STARD13: variants seen among roughly 807,000 people sequenced by gnomAD.
The protein encoded by STARD13 is stAR-related lipid transfer protein 13.
A neutral mutation model predicts 106.4 loss-of-function variants in STARD13; 62 were observed. That is an observed-to-expected ratio of 0.58 (90% CI 0.48 to 0.72). The LOEUF is 0.72. STARD13 is among the 30% of genes least tolerant of loss of function. STARD13 has a pLI of 0.00. For synonymous variants in STARD13, 565 were observed against 553.0 expected, an observed-to-expected ratio of 1.02 and a Z score of -0.31; for missense variants, 1,387 against 1,424.0, an observed-to-expected ratio of 0.97 and a Z score of 0.42.
chr13:33,466,014 A>C, the STARD13 span, among the ~76,000 whole-genome samples: 1 of 152,136 alleles, frequency 6.6e-6, no homozygotes, highest in Non-Finnish European at 1.5e-5. Flanking sequence ...AGGAACTCTT[A>C]TCTCTCCGAG....
chr13:33,486,622 T>G, the STARD13 span, among the ~76,000 whole-genome samples: 1 of 152,188 alleles, frequency 6.6e-6, no homozygotes, highest in African/African-American at 2.4e-5. Flanking sequence ...TCTTTCCTTA[T>G]TGATGCTTTT....
intron 1 of STARD13, among the ~76,000 whole-genome samples, chr13:33,335,825 A>C (rs1247784181): frequency 6.6e-6 from 1 of 152,258 alleles, no homozygotes; most frequent in Non-Finnish European, 1.5e-5. Context: ...AATCACAGCA[A>C]GGTGCTGTTT....
the STARD13 span, among the ~76,000 whole-genome samples, chr13:33,366,919 T>C: frequency 2.0e-5 from 3 of 152,358 alleles, no homozygotes; most frequent in African/African-American, 2.4e-5. This position sits in a 1 kb window ranked among gnomAD's most constrained non-coding sequence, Gnocchi z 4.2. Flanking sequence ...TGAACTCTTA[T>C]GAAAGCTAAC....
At chr13:33,234,241 G>A (rs1441503880) in intron 1 of STARD13, among the ~76,000 whole-genome samples, 2 of 152,158 alleles carry the variant, frequency 1.3e-5, no homozygotes, top group East Asian at 1.9e-4. Flanking sequence ...ACTGGTACCC[G>A]CTTTTCTGGT....
the STARD13 span, among the ~76,000 whole-genome samples, chr13:33,495,842 T>C: frequency 6.9e-5 from 10 of 145,724 alleles, no homozygotes; most frequent in East Asian, 1.8e-3. Context: ...ACAATTAGAA[T>C]GTACTATAAT....
the STARD13 span, among the ~76,000 whole-genome samples, chr13:33,465,156 A>G: frequency 1.4e-5 from 2 of 145,812 alleles, no homozygotes; most frequent in Admixed American, 6.8e-5. Flanking sequence ...ACCATTTACC[A>G]TGATCTGTTG....
chr13:33,168,940 C>A (rs1336496427), intron 1 of STARD13, among the ~76,000 whole-genome samples: 1 of 152,234 alleles, frequency 6.6e-6, no homozygotes, highest in Non-Finnish European at 1.5e-5. Context: ...GTCATTAAAT[C>A]CAAGGAAACA....
the STARD13 span, among the ~76,000 whole-genome samples, chr13:33,418,748 G>C: frequency 6.6e-6 from 1 of 152,178 alleles, no homozygotes; most frequent in Non-Finnish European, 1.5e-5. Flanking sequence ...CCAGAGGAAG[G>C]ATAAGCCTGC....
the STARD13 span, among the ~76,000 whole-genome samples, chr13:33,496,909 G>A: frequency 1.3e-5 from 2 of 152,022 alleles, no homozygotes; most frequent in African/African-American, 4.8e-5. Flanking sequence ...GTGATAAGCT[G>A]CTCTCTGTTT....
At chr13:33,339,802 A>G (rs1267024139) in intron 1 of STARD13, among the ~76,000 whole-genome samples, 1 of 152,192 alleles carries the variant, frequency 6.6e-6, no homozygotes, top group Non-Finnish European at 1.5e-5. Flanking sequence ...AGAAAGACAC[A>G]ATGGCTGGGC....
chr13:33,295,451 T>A (rs975698336), intron 1 of STARD13, among the ~76,000 whole-genome samples: 1 of 152,130 alleles, frequency 6.6e-6, no homozygotes, highest in Non-Finnish European at 1.5e-5. Flanking sequence ...ATAAAAAGAT[T>A]TTTTTCTGAC....
chr13:33,344,335 C>T (rs147102430), downstream of STARD13, among the ~76,000 whole-genome samples: 30 of 152,140 alleles, frequency 2.0e-4, no homozygotes, highest in East Asian at 1.5e-3. Flanking sequence ...AGCATCTAAA[C>T]GTAGTATCAT....
chr13:33,351,089 G>A (rs1332018696), upstream of STARD13, among the ~76,000 whole-genome samples: 1 of 152,124 alleles, frequency 6.6e-6, no homozygotes, highest in African/African-American at 2.4e-5. Flanking sequence ...TGAACATTAT[G>A]TTAATCCTTC....
intron 1 of STARD13, among the ~76,000 whole-genome samples, chr13:33,248,102 T>C (rs1889921338): frequency 6.6e-6 from 1 of 152,188 alleles, no homozygotes; most frequent in East Asian, 1.9e-4. Flanking sequence ...GTCAGGGCTA[T>C]CGTTAAGAAG....
chr13:33,522,267 C>T, the STARD13 span, among the ~76,000 whole-genome samples: 23 of 152,106 alleles, frequency 1.5e-4, no homozygotes, highest in South Asian at 4.6e-3. Context: ...AAGGTACGGA[C>T]ATTTCCCATA....
At chr13:33,240,308 A>G (rs1566092291) in intron 1 of STARD13, among the ~76,000 whole-genome samples, 2 of 152,178 alleles carry the variant, frequency 1.3e-5, no homozygotes, top group Non-Finnish European at 2.9e-5. Context: ...GTTTGAAATC[A>G]GGAAGTATGA....
the STARD13 span, among the ~76,000 whole-genome samples, chr13:33,419,893 G>A: frequency 4.6e-5 from 7 of 152,170 alleles, no homozygotes. Flanking sequence ...ATCTTTTACA[G>A]ACAAGCAAAT....
chr13:33,627,085 A>C, the STARD13 span, among the ~76,000 whole-genome samples: 4 of 152,246 alleles, frequency 2.6e-5, no homozygotes, highest in African/African-American at 4.8e-5. Flanking sequence ...CCAGCTTTTA[A>C]TCACAAACAC....
the STARD13 span, among the ~76,000 whole-genome samples, chr13:33,542,519 G>A: frequency 6.6e-6 from 1 of 152,222 alleles, no homozygotes; most frequent in Non-Finnish European, 1.5e-5. Flanking sequence ...CGCAGACCGC[G>A]CCTACGTCCC....
Sources: allele counts gnomAD v4.1 joint callset (sites outside exome capture counted in the v4.1 genomes callset), GRCh38; gene constraint gnomAD v4.1.1; non-coding constraint Gnocchi (gnomAD v3.1); transcripts MANE v1.5; gene names NCBI Gene and HGNC (gene_info 2026-07-23, HGNC 2026-07-21).